Variants in TGFBRAP1 observed in about 807,000 individuals in gnomAD.
TGFBRAP1 encodes the protein transforming growth factor-beta receptor-associated protein 1.
In TGFBRAP1, 20 loss-of-function variants were observed where a neutral mutation model predicts 83.2. The observed-to-expected ratio is 0.24, with a 90% CI of 0.17 to 0.35. The LOEUF (loss-of-function observed/expected upper bound fraction) is 0.35. TGFBRAP1 is among the 10% of genes least tolerant of loss of function. The pLI, the probability that TGFBRAP1 is intolerant of heterozygous loss-of-function variation, is 1.00. For missense variants in TGFBRAP1, 950 were observed against 1,099.4 expected, an observed-to-expected ratio of 0.86 and a Z score of 1.92; for synonymous variants, 415 against 459.8, an observed-to-expected ratio of 0.90 and a Z score of 1.25.
chr2:105,319,045 C>T (rs866009563), intron 1 of TGFBRAP1, among the ~76,000 whole-genome samples: 1 of 152,004 alleles, frequency 6.6e-6, no homozygotes, highest in African/African-American at 2.4e-5. Context: ...GAAGAATAAA[C>T]GTGGAATGAG....
chr2:105,323,017 G>A (rs930540527), intron 1 of TGFBRAP1, among the ~76,000 whole-genome samples: 4 of 152,184 alleles, frequency 2.6e-5, no homozygotes, highest in African/African-American at 4.8e-5. Flanking sequence ...CTAAATCACC[G>A]AGGACTCAGC....
At chr2:105,274,194 C>A (rs545484825) in intron 8 of TGFBRAP1, among the ~76,000 whole-genome samples, 44 of 152,300 alleles carry the variant, frequency 2.9e-4, no homozygotes, top group African/African-American at 9.6e-4. Flanking sequence ...AATCTGAGAT[C>A]TGAGCTTCCA....
At chr2:105,313,990 A>T (rs1678772618) in intron 1 of TGFBRAP1, among the ~76,000 whole-genome samples, 1 of 152,148 alleles carries the variant, frequency 6.6e-6, no homozygotes, top group African/African-American at 2.4e-5. Context: ...CATGAATGGG[A>T]CCTTATGTGG....
chr2:105,260,030 C>T (rs1170348139), downstream of TGFBRAP1, among the ~76,000 whole-genome samples: 4 of 152,122 alleles, frequency 2.6e-5, no homozygotes, highest in African/African-American at 4.8e-5. Context: ...ATATAAAATA[C>T]ATGCAAAGAG....
At chr2:105,316,537 T>G (rs1678885000) in intron 1 of TGFBRAP1, among the ~76,000 whole-genome samples, 2 of 150,840 alleles carry the variant, frequency 1.3e-5, no homozygotes, top group South Asian at 4.2e-4. Context: ...CTGGGAGCAG[T>G]GGCTCATGCC....
rs144272394 is a variant in TGFBRAP1, at chr2:105,275,221, T to A, written c.1665+339A>T. 4.9e-4 allele frequency among the ~76,000 whole-genome samples: 74 copies of A among 152,280 alleles called. 1 individual carries two copies. In the East Asian group the frequency reaches 0.011, roughly 23 times the overall value. ...AATCCTGCTCCAGAAAACAGCAGTG[T>A]CAGACTTCTGAGGGGTCGAGGAGCG... On this transcript the variant is annotated intron_variant, in intron 8 of 11. Transcript: ENST00000393359.
intron 3 of TGFBRAP1, among the ~76,000 whole-genome samples, chr2:105,296,739 T>C (rs1250156696): frequency 6.6e-6 from 1 of 150,662 alleles, no homozygotes; most frequent in East Asian, 1.9e-4. Context: ...GAATAATATC[T>C]TGCTTTCTTT....
chr2:105,264,951 C>A lies in TGFBRAP1; in HGVS notation c.*2432G>T, dbSNP rs528128074. ...AGCAGGCCTGTGAGAAAGAACCATA[C>A]ATTTCTCTCAGAAATATGATTTGAG... On this transcript the variant is annotated 3_prime_UTR_variant, in exon 12 of 12. Coordinates refer to ENST00000393359, the MANE Select transcript of TGFBRAP1 (RefSeq NM_004257.6). The A allele has an allele frequency of 6.6e-6, 1 of 152,184 alleles. No individual in the cohort carries two copies. Among genetic ancestry groups the A allele is most frequent in the Non-Finnish European group, 1.5e-5 (1 of 68,046 alleles). The allele number at this position is 152,184 out of a possible 1,614,324, so 9.4% of individuals were successfully genotyped here.
chr2:105,254,412 G>C, the TGFBRAP1 span, among the ~76,000 whole-genome samples: 1 of 152,072 alleles, frequency 6.6e-6, no homozygotes, highest in Non-Finnish European at 1.5e-5. Context: ...CAGCCTTTTT[G>C]ACTTAGGAGG....
At chr2:105,250,613 TCCTCTCCCTCTC>T in the TGFBRAP1 span, among the ~76,000 whole-genome samples, 4 of 101,958 alleles carry the variant, frequency 3.9e-5, no homozygotes, top group African/African-American at 1.7e-4. Flanking sequence ...TCCCTCTCCC[TCCTCTCCCTCTC>T]CCTCTCCCTC....
Position 105,307,714 on chromosome 2 carries a change from G to A in TGFBRAP1, c.588C>T (p.Gly196=), listed in dbSNP as rs143327813. The A allele has an allele frequency of 7.0e-5, 113 of 1,614,144 alleles. No individual in the cohort carries two copies. The highest frequency in any genetic ancestry group is 6.6e-4 in the Middle Eastern group (4 of 6,062). Residue 196 remains glycine, a synonymous_variant, in exon 2 of 12, where the codon GGC becomes GGT. Coordinates refer to ENST00000393359, the MANE Select transcript of TGFBRAP1 (RefSeq NM_004257.6). ...TQYIIHNYST[G]VSQDLFPYCS... Reference sequence around the variant, plus strand: ...AGTAGGGAAACAGGTCCTGGGAGACGCCTGTGCTGTAATTGTGGATGATGT... The same window carrying A: ...AGTAGGGAAACAGGTCCTGGGAGACACCTGTGCTGTAATTGTGGATGATGT...
intron 11 of TGFBRAP1, chr2:105,267,783 C>G: frequency 1.0e-6 from 1 of 985,400 alleles, no homozygotes. Flanking sequence ...TCTTATTTCA[C>G]AAAAGTAATT....
intron 4 of TGFBRAP1, among the ~76,000 whole-genome samples, chr2:105,287,664 G>A (rs192986540): frequency 9.9e-4 from 150 of 152,214 alleles, no homozygotes; most frequent in African/African-American, 3.3e-3. Context: ...GGGTGTGGCC[G>A]TCACAACAGT....
At chr2:105,291,748 G>T (rs1677923595) in intron 4 of TGFBRAP1, among the ~76,000 whole-genome samples, 1 of 152,168 alleles carries the variant, frequency 6.6e-6, no homozygotes, top group South Asian at 2.1e-4. Context: ...AGTGGAAGTG[G>T]GGATTGCCTG....
rs964603969 is a variant in TGFBRAP1 at position 105,310,582 on chromosome 2, C to T, written c.-17-2264G>A. On this transcript the variant is annotated intron_variant, in intron 1 of 11. Transcript: ENST00000393359. ...GAGAAGGAATCATGTCCATCTACCT[C>T]GGGGCTGTGGGAACATCCCCAGAAT... 3.9e-5 allele frequency among the ~76,000 whole-genome samples: 6 copies of T among 152,176 alleles called. No homozygotes were observed. In the East Asian group the frequency reaches 5.8e-4, roughly 15 times the overall value.
At chr2:105,323,990 G>A (rs1679147560) in intron 1 of TGFBRAP1, among the ~76,000 whole-genome samples, 2 of 152,056 alleles carry the variant, frequency 1.3e-5, no homozygotes, top group South Asian at 2.1e-4. Context: ...CCTTTCAAGT[G>A]TGTTAAGGTC....
At chr2:105,260,676 TG>T (rs200108687), downstream of TGFBRAP1, among the ~76,000 whole-genome samples, 392 of 152,284 alleles carry the variant, frequency 2.6e-3, 1 homozygote, top group African/African-American at 8.9e-3. Flanking sequence ...ATGGTGATGA[TG>T]ATTGCATAAC....
At chr2:105,292,622 C>G (rs184386357) in intron 4 of TGFBRAP1, among the ~76,000 whole-genome samples, 2 of 144,996 alleles carry the variant, frequency 1.4e-5, no homozygotes, top group East Asian at 4.0e-4. Context: ...AAAGAAAGAA[C>G]GAGGCGGGTA....
chr2:105,259,879 C>G (rs1384846071), downstream of TGFBRAP1, among the ~76,000 whole-genome samples: 2 of 152,140 alleles, frequency 1.3e-5, no homozygotes, highest in African/African-American at 2.4e-5. Flanking sequence ...CCACCTTAGA[C>G]CATTCATGAG....
Sources: allele counts gnomAD v4.1 joint callset (sites outside exome capture counted in the v4.1 genomes callset), GRCh38; gene constraint gnomAD v4.1.1; transcripts MANE v1.5; gene names NCBI Gene and HGNC (gene_info 2026-07-23, HGNC 2026-07-21).